The following PKHD1 variants were observed in gnomAD, a reference collection of about 807,000 sequenced individuals.
The protein encoded by PKHD1 is PKHD1 ciliary IPT domain containing fibrocystin/polyductin, also known as fibrocystin.
In PKHD1, 291 loss-of-function variants were observed where a neutral mutation model predicts 412.0. That is an observed-to-expected ratio of 0.71 (90% CI 0.64 to 0.78). The LOEUF (loss-of-function observed/expected upper bound fraction) is 0.78, where lower values mean the gene tolerates loss of function less well. Among genes scored for constraint, PKHD1 ranks in the 30% least tolerant of loss-of-function variants. The probability of loss-of-function intolerance (pLI) is 0.00; values close to 1 mark genes in which losing one functional copy is unlikely to be tolerated. For missense variants in PKHD1, 4,825 were observed against 4,950.7 expected (o/e 0.97, Z 0.76); for synonymous variants, 1,777 against 1,821.5 (o/e 0.98, Z 0.62).
chr6:51,808,120 CAT>C (rs1764127174), intron 52 of PKHD1, among the ~76,000 whole-genome samples: 1 of 152,208 alleles, frequency 6.6e-6, no homozygotes, highest in African/African-American at 2.4e-5. Context: ...ATGGAATAAT[CAT>C]ATCTTTCTAT....
chr6:51,807,405 T>C (rs973787636), intron 52 of PKHD1, among the ~76,000 whole-genome samples: 2 of 129,230 alleles, frequency 1.5e-5, no homozygotes, highest in East Asian at 4.5e-4. Context: ...GCCACTACAC[T>C]CCAGCCTGGG....
intron 61 of PKHD1, among the ~76,000 whole-genome samples, chr6:51,653,234 T>G: frequency 6.6e-6 from 1 of 152,152 alleles, no homozygotes; most frequent in South Asian, 2.1e-4. Context: ...CTGGTTATCC[T>G]TCTGAGTTGA....
In PKHD1 at chr6:51,793,172, AAT is replaced by A. The variant is rs527740995; in HGVS notation, c.8303-1801_8303-1800del. 4.2e-4 allele frequency among the ~76,000 whole-genome samples: 64 copies of A among 152,274 alleles called. 1 individual carries two copies. The East Asian group carries it at 0.012, about 28-fold the overall frequency. On this transcript the variant is annotated intron_variant, in intron 52 of 66. Coordinates refer to ENST00000371117, the MANE Select transcript of PKHD1 (RefSeq NM_138694.4). Reference sequence around the variant, plus strand: ...TGATCAAGCTAAACAGACAAAAATAAATATATATCTTAATCTCATCTCTAGCA... The same window carrying A: ...TGATCAAGCTAAACAGACAAAAATAAATATATCTTAATCTCATCTCTAGCA...
chr6:51,946,171 T>C (rs1789429425), intron 36 of PKHD1, among the ~76,000 whole-genome samples: 1 of 152,124 alleles, frequency 6.6e-6, no homozygotes, highest in Non-Finnish European at 1.5e-5. Context: ...GAACTAATAA[T>C]GATGCTAATG....
chr6:51,761,265 G>T (rs532615044), intron 55 of PKHD1, among the ~76,000 whole-genome samples: 1 of 152,120 alleles, frequency 6.6e-6, no homozygotes, highest in South Asian at 2.1e-4. Context: ...AGAAAATCTG[G>T]TCATTAGCAT....
chr6:52,034,112 G>A (rs184857698), intron 28 of PKHD1, among the ~76,000 whole-genome samples: 19 of 149,594 alleles, frequency 1.3e-4, no homozygotes, highest in Middle Eastern at 3.5e-3. Context: ...CAACAAAAGC[G>A]AAACTCTGTC....
At chr6:51,778,761 T>C (rs1791484617) in intron 53 of PKHD1, among the ~76,000 whole-genome samples, 1 of 152,150 alleles carries the variant, frequency 6.6e-6, no homozygotes, top group African/African-American at 2.4e-5. Flanking sequence ...TAAAGCTCTT[T>C]GATGGAATCA....
intron 51 of PKHD1, among the ~76,000 whole-genome samples, chr6:51,834,756 T>C (rs1768893655): frequency 6.6e-6 from 1 of 152,210 alleles, no homozygotes; most frequent in South Asian, 2.1e-4. Context: ...CTGTAACTCT[T>C]TGTGTTTTGA....
intron 60 of PKHD1, among the ~76,000 whole-genome samples, chr6:51,703,769 T>A (rs1779710268): frequency 6.6e-6 from 1 of 151,964 alleles, no homozygotes. Context: ...TCTTGCAAAC[T>A]TTTCTCTTCA....
intron 8 of PKHD1, 57 bp downstream of exon 8, chr6:52,072,058 G>A (rs1377861455): frequency 2.1e-6 from 2 of 943,660 alleles, no homozygotes; most frequent in Non-Finnish European, 3.5e-6. Flanking sequence ...TGTGTGTGTT[G>A]TATCCATGTG....
intron 25 of PKHD1, 138 bp from the exon 26 acceptor site, chr6:52,043,868 G>T: frequency 1.5e-6 from 1 of 648,368 alleles, no homozygotes; most frequent in Non-Finnish European, 2.8e-6. Flanking sequence ...TATTTTTCCA[G>T]TAATTAATCT....
intron 53 of PKHD1, among the ~76,000 whole-genome samples, chr6:51,784,926 A>G (rs1792629023): frequency 6.6e-6 from 1 of 152,210 alleles, no homozygotes; most frequent in South Asian, 2.1e-4. Context: ...GGTTGCCAGC[A>G]TCCAACCTGG....
chr6:51,712,000 G>T (rs556572004), intron 60 of PKHD1, among the ~76,000 whole-genome samples: 17 of 152,246 alleles, frequency 1.1e-4, no homozygotes, highest in African/African-American at 3.9e-4. Context: ...AACCAACAGA[G>T]ATTGCACCAC....
rs757236281 is a variant in PKHD1, at chr6:52,060,071, G to A, written c.1119-29C>T. 10 of 1,241,016 alleles carry A rather than the reference G, an allele frequency of 8.1e-6. No individual in the cohort carries two copies. In the South Asian group the frequency reaches 1.2e-4, roughly 15 times the overall value. The allele number at this position is 1,241,016 out of a possible 1,614,324, so 76.9% of individuals were successfully genotyped here. ...TAAAGTAGAACATAGAGTCAAGCAA[G>A]AGTAACCAAGGCCTGAATCACTGAA... On this transcript the variant is annotated intron_variant, in intron 14 of 66. Transcript: ENST00000371117.
Position 51,867,902 on chromosome 6 carries a change from C to T in PKHD1, c.7694G>A (p.Cys2565Tyr). 1 of 1,613,176 alleles carries T rather than the reference C, an allele frequency of 6.2e-7. No individual in the cohort carries two copies. The highest frequency in any genetic ancestry group is 1.3e-5 in the African/African-American group (1 of 75,020). The change falls in exon 48 of 67, where the codon TGT (cysteine) becomes TAT (tyrosine). Residue 2565 changes from cysteine to tyrosine, a missense_variant. Transcript: ENST00000371117. ...ACGATGAAAAAGAACACCTCCTCCA[C>T]AGGCACTGCCATGGACAACCCGACC... Reference protein sequence around the residue: ...SFGRVVHGSACGGGVLFHRMS... With the variant: ...SFGRVVHGSAYGGGVLFHRMS...
intron 54 of PKHD1, among the ~76,000 whole-genome samples, chr6:51,774,875 C>A (rs560368182): frequency 1.3e-5 from 2 of 151,696 alleles, no homozygotes; most frequent in East Asian, 3.9e-4. Flanking sequence ...AATTAACAAC[C>A]AATTTTCTTT....
chr6:51,833,245 C>T (rs1441840104), intron 51 of PKHD1, among the ~76,000 whole-genome samples: 1 of 152,128 alleles, frequency 6.6e-6, no homozygotes, highest in Non-Finnish European at 1.5e-5. Flanking sequence ...TGGAAACAAA[C>T]ATTCTGTACT....
intron 59 of PKHD1, among the ~76,000 whole-genome samples, chr6:51,745,212 T>C (rs904245685): frequency 5.3e-5 from 8 of 152,280 alleles, no homozygotes; most frequent in African/African-American, 1.9e-4. Context: ...GCTGTTAATA[T>C]CACATAGTAC....
intron 27 of PKHD1, among the ~76,000 whole-genome samples, chr6:52,042,008 GAA>G (rs1056165521): frequency 6.6e-6 from 1 of 152,124 alleles, no homozygotes; most frequent in Non-Finnish European, 1.5e-5. Context: ...ACTCTATAGA[GAA>G]AACTACACTA....
Sources: gnomAD v4.1 joint callset for allele counts (sites outside exome capture counted in the v4.1 genomes callset) on GRCh38, gnomAD v4.1.1 for gene constraint, MANE v1.5 for transcripts, NCBI Gene and HGNC (gene_info 2026-07-23, HGNC 2026-07-21) for gene names.